DCAF10: variants seen among roughly 807,000 people sequenced by gnomAD.
The protein encoded by DCAF10 is DDB1 and CUL4 associated factor 10.
In DCAF10, 19 loss-of-function variants were observed where a neutral mutation model predicts 51.9. That is an observed-to-expected ratio of 0.37 (90% CI 0.26 to 0.54). The LOEUF (loss-of-function observed/expected upper bound fraction) is 0.54. Among genes scored for constraint, DCAF10 ranks in the 20% least tolerant of loss-of-function variants. The pLI, the probability that DCAF10 is intolerant of heterozygous loss-of-function variation, is 0.87. For missense variants in DCAF10, 510 were observed against 730.6 expected (o/e 0.70, Z 3.48); for synonymous variants, 291 against 297.1 (o/e 0.98, Z 0.21).
intron 2 of DCAF10, among the ~76,000 whole-genome samples, chr9:37,830,323 A>G (rs865862559): frequency 1.3e-5 from 2 of 152,232 alleles, no homozygotes; most frequent in African/African-American, 2.4e-5. Flanking sequence ...TTACAAACAT[A>G]AGCTTGGTGA....
rs933578038 is a variant in DCAF10, at chr9:37,865,974, C to G, written c.*4466C>G. On this transcript the variant is annotated 3_prime_UTR_variant, in exon 7 of 7. Transcript: ENST00000377724. ...AATCTTTTAAAAGCCTAGTGTTTCC[C>G]TTATTTGTCAGAATATGTGGTAGTG... 5 of 152,546 alleles carry G rather than the reference C, an allele frequency of 3.3e-5. No homozygotes were observed. The highest frequency in any genetic ancestry group is 1.2e-4 in the African/African-American group (5 of 41,420). The allele number at this position is 152,546 out of a possible 1,614,324, so 9.4% of individuals were successfully genotyped here.
chr9:37,850,879 T>TAA (rs1830629869), intron 3 of DCAF10, among the ~76,000 whole-genome samples: 1 of 96,652 alleles, frequency 1.0e-5, no homozygotes, highest in Non-Finnish European at 2.0e-5. Flanking sequence ...TATATATATA[T>TAA]ATAAATTAGC....
intron 3 of DCAF10, 35 bp downstream of exon 3, chr9:37,842,321 C>G: frequency 6.3e-7 from 1 of 1,574,966 alleles, no homozygotes. Flanking sequence ...GGATTATGAA[C>G]AAAAACATTT....
intron 2 of DCAF10, among the ~76,000 whole-genome samples, chr9:37,832,531 G>A (rs1471058199): frequency 3.9e-5 from 6 of 152,154 alleles, no homozygotes; most frequent in Non-Finnish European, 2.9e-5. Flanking sequence ...GTCTTTGTTG[G>A]CGTGCTGCTG....
At chr9:37,842,448 T>G (rs191203200) in intron 3 of DCAF10, among the ~76,000 whole-genome samples, 162 bp downstream of exon 3, 2 of 152,284 alleles carry the variant, frequency 1.3e-5, no homozygotes, top group African/African-American at 4.8e-5. Flanking sequence ...TAGTCATATA[T>G]TGCAACTAAA....
chr9:37,859,915 A>T, intron 5 of DCAF10, 133 bp from the exon 6 acceptor site: 1 of 1,092,340 alleles, frequency 9.2e-7, no homozygotes, highest in African/African-American at 1.6e-5. Context: ...CACGCTCTTT[A>T]ACATATGGTA....
At chr9:37,835,430 T>C (rs572295470) in intron 2 of DCAF10, among the ~76,000 whole-genome samples, 57 of 151,912 alleles carry the variant, frequency 3.8e-4, no homozygotes, top group Middle Eastern at 3.4e-3. Flanking sequence ...AATACAAAAA[T>C]TAACCGGGTG....
At position 37,863,325 on chromosome 9, in the gene DCAF10, C is replaced by CAAAAAAAAAAAAAAAAAAAAAAAAAA. The variant is rs770292432; in HGVS notation, c.*1841_*1842insAAAAAAAAAAAAAAAAAAAAAAAAAA. ...TAGGCGACAGAGCGAGACTCTGTCT[C>CAAAAAAAAAAAAAAAAAAAAAAAAAA]AAAAAAAAAAAAAAAAAAAAAAAAT... On this transcript the variant is annotated 3_prime_UTR_variant, in exon 7 of 7. Transcript: ENST00000377724. 1.7e-5 allele frequency: 1 copy of CAAAAAAAAAAAAAAAAAAAAAAAAAA among 57,428 alleles called. No homozygotes were observed. The allele number at this position is 57,428 out of a possible 1,614,324, so 3.6% of individuals were successfully genotyped here. A position where few individuals can be genotyped will look rare whatever the true frequency, so the allele number is the denominator to read the frequency against.
At position 37,811,675 on chromosome 9, in the gene DCAF10, T is replaced by C. The variant is rs372215379; in HGVS notation, c.540-7613T>C. 9.9e-5 allele frequency among the ~76,000 whole-genome samples: 15 copies of C among 152,132 alleles called. No individual in the cohort carries two copies. In the South Asian group the frequency reaches 2.7e-3, roughly 27 times the overall value. On this transcript the variant is annotated intron_variant, in intron 1 of 6. Transcript: ENST00000377724. Reference sequence around the variant, plus strand: ...CTTGAGAATAGATGAGAAAAAAATATACAGAATAAAGTTCAGATTTACCAA... The same window carrying C: ...CTTGAGAATAGATGAGAAAAAAATACACAGAATAAAGTTCAGATTTACCAA...
At chr9:37,858,035 TGC>T (rs1830904243) in intron 5 of DCAF10, among the ~76,000 whole-genome samples, 1 of 149,532 alleles carries the variant, frequency 6.7e-6, no homozygotes, top group Admixed American at 6.6e-5. Context: ...AGAGATGGCT[TGC>T]TTTTTTTTTT....
At chr9:37,815,944 C>T (rs1829515372) in intron 1 of DCAF10, among the ~76,000 whole-genome samples, 1 of 152,060 alleles carries the variant, frequency 6.6e-6, no homozygotes, top group African/African-American at 2.4e-5. Flanking sequence ...CAGGTGTGCA[C>T]CATCATACCT....
chr9:37,826,820 CTTTTTTTTTTTT>C (rs397893920), intron 2 of DCAF10, among the ~76,000 whole-genome samples: 4 of 123,814 alleles, frequency 3.2e-5, no homozygotes, highest in Non-Finnish European at 6.7e-5. Context: ...ACCACAATAC[CTTTTTTTTTTTT>C]TTTTTTTTTT....
At chr9:37,835,414 A>G (rs1830128973) in intron 2 of DCAF10, among the ~76,000 whole-genome samples, 1 of 152,094 alleles carries the variant, frequency 6.6e-6, no homozygotes, top group Admixed American at 6.5e-5. Context: ...CCCTGTCTCT[A>G]CTGAAAATAC....
intron 6 of DCAF10, 135 bp downstream of exon 6, chr9:37,860,328 C>G: frequency 7.9e-6 from 9 of 1,144,942 alleles, no homozygotes; most frequent in Non-Finnish European, 1.1e-5. Flanking sequence ...TGCTTCTCGA[C>G]TCTCCTGTTT....
At chr9:37,834,608 A>T (rs1207384172) in intron 2 of DCAF10, among the ~76,000 whole-genome samples, 2 of 152,196 alleles carry the variant, frequency 1.3e-5, no homozygotes. Context: ...GGCCTACAGC[A>T]ATATAACCCC....
At chr9:37,827,587 T>A (rs1829890114) in intron 2 of DCAF10, among the ~76,000 whole-genome samples, 1 of 152,134 alleles carries the variant, frequency 6.6e-6, no homozygotes, top group South Asian at 2.1e-4. Flanking sequence ...CAGGAATCCA[T>A]GGGCCAAAAA....
At chr9:37,819,452 CT>C (rs1829641288) in intron 2 of DCAF10, 51 bp downstream of exon 2, 1 of 1,394,426 alleles carries the variant, frequency 7.2e-7, no homozygotes, top group Non-Finnish European at 1.0e-6. Context: ...CCAAAATGTT[CT>C]GTTTTGGAAG....
intron 3 of DCAF10, among the ~76,000 whole-genome samples, chr9:37,849,933 C>T (rs1466923656): frequency 6.6e-6 from 1 of 152,064 alleles, no homozygotes; most frequent in Non-Finnish European, 1.5e-5. Context: ...GCCGTGTGTG[C>T]CTGTAGTCCC....
Position 37,854,817 on chromosome 9 carries a change from C to T in DCAF10, c.889C>T (p.His297Tyr). 1 of 1,613,960 alleles carries T rather than the reference C, an allele frequency of 6.2e-7. No homozygotes were observed. Among genetic ancestry groups the T allele is most frequent in the Non-Finnish European group, 8.5e-7 (1 of 1,179,946 alleles). ...EDGCPHKKFFHTRFLMRMRLT... is the reference protein window; with the variant it reads ...EDGCPHKKFFYTRFLMRMRLT... ...TGGGTGTCCACATAAGAAATTCTTT[C>T]ACACACGTTTTCTCATGCGAATGAG... The change falls in exon 4 of 7, where the codon CAC becomes TAC. Residue 297 changes from histidine (H) to tyrosine (Y), a missense_variant. Coordinates refer to ENST00000377724, the MANE Select transcript of DCAF10 (RefSeq NM_024345.5).
Sources: allele counts gnomAD v4.1 joint callset (sites outside exome capture counted in the v4.1 genomes callset), GRCh38; gene constraint gnomAD v4.1.1; transcripts MANE v1.5; gene names NCBI Gene and HGNC (gene_info 2026-07-23, HGNC 2026-07-21).